Variants in ARFGEF3 observed in about 807,000 individuals in gnomAD.
ARFGEF3 encodes the protein ARFGEF family member 3.
ARFGEF3 carries 96 observed loss-of-function variants against 221.7 expected under a neutral mutation model. That is an observed-to-expected ratio of 0.43 (90% confidence interval 0.37 to 0.51). The LOEUF is 0.51. Among genes scored for constraint, ARFGEF3 ranks in the 20% least tolerant of loss-of-function variants. ARFGEF3 has a pLI of 0.00. For synonymous variants in ARFGEF3, 1,145 were observed against 1,126.8 expected, an observed-to-expected ratio of 1.02 and a Z score of -0.32; for missense variants, 2,410 against 2,789.9, an observed-to-expected ratio of 0.86 and a Z score of 3.07.
At chr6:138,310,494 C>G (rs544281650) in intron 24 of ARFGEF3, among the ~76,000 whole-genome samples, 22 of 152,322 alleles carry the variant, frequency 1.4e-4, no homozygotes, top group Non-Finnish European at 2.9e-4. Context: ...AGTATTTACT[C>G]TCTGGCCCTT....
rs1258556039 is a variant in ARFGEF3, at chr6:138,162,353, G to T, written c.85+182G>T. Among the ~76,000 whole-genome samples the T allele has an allele frequency of 6.6e-6, 1 of 152,184 alleles. No individual in the cohort carries two copies. The highest frequency in any genetic ancestry group is 1.5e-5 in the Non-Finnish European group (1 of 68,022). On this transcript the variant is annotated intron_variant, in intron 1 of 33. Transcript: ENST00000251691. The surrounding 1 kb of genome is among the most constrained non-coding windows in gnomAD (Gnocchi z 4.7). ...CTTGGCTCGGGCGTGGACATCAGCC[G>T]CCTCCCCTCCGGTCTCTTTCACTCT...
At chr6:138,289,396 A>G (rs767931446) in intron 17 of ARFGEF3, among the ~76,000 whole-genome samples, 11 of 152,264 alleles carry the variant, frequency 7.2e-5, no homozygotes, top group Non-Finnish European at 1.5e-4. Flanking sequence ...GATCATAATG[A>G]GAGCCTAACA....
intron 12 of ARFGEF3, among the ~76,000 whole-genome samples, 159 bp downstream of exon 12, chr6:138,263,770 AT>A (rs1430237051): frequency 6.6e-6 from 1 of 152,236 alleles, no homozygotes; most frequent in African/African-American, 2.4e-5. Flanking sequence ...TCTAAGACCT[AT>A]TAGTGGTGGT....
intron 4 of ARFGEF3, among the ~76,000 whole-genome samples, chr6:138,213,956 G>A (rs1777784769): frequency 1.3e-5 from 2 of 152,126 alleles, no homozygotes; most frequent in South Asian, 2.1e-4. Flanking sequence ...ATAATCATTT[G>A]CTATTTCTGA....
rs141551435 is a variant in ARFGEF3 at position 138,233,501 on chromosome 6, C to T, written c.420+3649C>T. 7.8e-3 allele frequency among the ~76,000 whole-genome samples: 1,190 copies of T among 152,094 alleles called. 11 individuals are homozygous for T. The highest frequency in any genetic ancestry group is 0.026 in the African/African-American group (1,083 of 41,488). On this transcript the variant is annotated intron_variant, in intron 5 of 33. Transcript: ENST00000251691. ...AAGCGATTCTCCTGCCTCAGCCTCC[C>T]GAGTAGCTGGGATTACAGGCGCATG...
rs746800137 is a variant in ARFGEF3, at chr6:138,311,557, G to A, written c.4200+47G>A. The stretch of plus-strand genomic sequence containing the variant: ...GCTCCCGGCCTGGAAACCTGCCTCG[G>A]AACATGCTGCCAAAACATGCGTGGG... On this transcript the variant is annotated intron_variant, in intron 25 of 33. Coordinates refer to ENST00000251691, the MANE Select transcript of ARFGEF3 (RefSeq NM_020340.5). 29 of 1,349,874 alleles carry A rather than the reference G, an allele frequency of 2.1e-5. 3 individuals are homozygous for A. The South Asian group carries it at 3.6e-4, about 17-fold the overall frequency. The allele number at this position is 1,349,874 out of a possible 1,614,324, so 83.6% of individuals were successfully genotyped here.
intron 23 of ARFGEF3, 24 bp from the exon 24 acceptor site, chr6:138,308,715 A>C (rs765176654): frequency 2.5e-6 from 4 of 1,613,346 alleles, no homozygotes; most frequent in Non-Finnish European, 3.4e-6. Flanking sequence ...ACTTTCTTAC[A>C]ATTCTATAAT....
rs1482298280 is a variant in ARFGEF3 at position 138,337,761 on chromosome 6, GCTTTAT to G, written c.*1279_*1284del. ...GTATTACTAGAAAATACGTTTGAAA[GCTTTAT>G]CTTATTATTTACAGTATTTTTATAT... On this transcript the variant is annotated 3_prime_UTR_variant, in exon 34 of 34. Coordinates refer to ENST00000251691, the MANE Select transcript of ARFGEF3 (RefSeq NM_020340.5). The G allele has an allele frequency of 1.3e-5, 2 of 152,090 alleles. No individual in the cohort carries two copies. Among genetic ancestry groups the G allele is most frequent in the African/African-American group, 4.8e-5 (2 of 41,410 alleles). 9.4% of individuals were successfully genotyped at this position (152,090 alleles called of 1,614,324 possible).
chr6:138,280,104 G>A lies in ARFGEF3; in HGVS notation c.2401G>A (p.Glu801Lys), dbSNP rs1285134553. Residue 801 changes from glutamate to lysine, a missense_variant, in exon 14 of 34, where the codon GAG (glutamate) becomes AAG (lysine). Transcript: ENST00000251691. ...HQVLDRNMLG[E>K]AGYWGSPEDN... ...GGTGCTCGACAGGAACATGCTTGGAGAGGCTGGCTATTGGGGCAGCCCAGA... is the reference window on the plus strand; with the variant it reads ...GGTGCTCGACAGGAACATGCTTGGAAAGGCTGGCTATTGGGGCAGCCCAGA... 1 of 1,613,922 alleles carries A rather than the reference G, an allele frequency of 6.2e-7. No homozygotes were observed. Among genetic ancestry groups the A allele is most frequent in the South Asian group, 1.1e-5 (1 of 91,082 alleles).
At chr6:138,166,721 G>A (rs149837599) in intron 1 of ARFGEF3, among the ~76,000 whole-genome samples, 4 of 152,294 alleles carry the variant, frequency 2.6e-5, no homozygotes, top group Middle Eastern at 6.8e-3. Context: ...AGAGCTGGAA[G>A]CAACCAAGCC....
intron 2 of ARFGEF3, among the ~76,000 whole-genome samples, chr6:138,191,934 T>C (rs543263318): frequency 2.4e-4 from 36 of 152,288 alleles, no homozygotes; most frequent in African/African-American, 8.2e-4. Flanking sequence ...ACAATGAAGT[T>C]ATCATAAGGC....
At chr6:138,246,655 C>G (rs1321882412) in intron 8 of ARFGEF3, among the ~76,000 whole-genome samples, 1 of 152,038 alleles carries the variant, frequency 6.6e-6, no homozygotes, top group East Asian at 1.9e-4. Flanking sequence ...CACTTCAAGG[C>G]ACAAATAGAA....
intron 15 of ARFGEF3, 84 bp downstream of exon 15, chr6:138,286,137 C>A: frequency 1.1e-6 from 1 of 894,678 alleles, no homozygotes; most frequent in Non-Finnish European, 1.8e-6. Flanking sequence ...TGACTTGAAT[C>A]AGGATTTTGT....
rs770409044 is a variant in ARFGEF3, at chr6:138,336,527, G to C, written c.*41G>C. On this transcript the variant is annotated 3_prime_UTR_variant, in exon 34 of 34. Coordinates refer to ENST00000251691, the MANE Select transcript of ARFGEF3 (RefSeq NM_020340.5). Reference sequence around the variant, plus strand: ...CTCTCCCACCAAATAACAGTAGTGAGGGTTAGAGTCCTGCCAATACAGCTG... The same window carrying C: ...CTCTCCCACCAAATAACAGTAGTGACGGTTAGAGTCCTGCCAATACAGCTG... 4.0e-6 allele frequency: 6 copies of C among 1,517,086 alleles called. No individual in the cohort carries two copies. The highest frequency in any genetic ancestry group is 2.8e-5 in the African/African-American group (2 of 72,626). The allele number at this position is 1,517,086 out of a possible 1,614,324, so 94.0% of individuals were successfully genotyped here.
chr6:138,282,575 G>A (rs1779215035), intron 14 of ARFGEF3, among the ~76,000 whole-genome samples: 1 of 152,226 alleles, frequency 6.6e-6, no homozygotes, highest in Non-Finnish European at 1.5e-5. Flanking sequence ...AGAACATACA[G>A]TGAGGTCTGT....
At chr6:138,311,700 A>G (rs999320953) in intron 25 of ARFGEF3, among the ~76,000 whole-genome samples, 190 bp downstream of exon 25, 30 of 152,202 alleles carry the variant, frequency 2.0e-4, no homozygotes, top group Admixed American at 7.2e-4. Flanking sequence ...TAATGAAAAC[A>G]TACTAGAACC....
chr6:138,270,281 G>A (rs1453932288), intron 12 of ARFGEF3, among the ~76,000 whole-genome samples: 1 of 152,146 alleles, frequency 6.6e-6, no homozygotes, highest in African/African-American at 2.4e-5. Context: ...ACCAACTATG[G>A]ATTCAGAGTT....
At position 138,284,631 on chromosome 6, in the gene ARFGEF3, G is replaced by C. The variant is rs114313738; in HGVS notation, c.2462-1315G>C. Among the ~76,000 whole-genome samples the C allele has an allele frequency of 1.8e-3, 277 of 152,310 alleles. 3 individuals are homozygous for C. Among genetic ancestry groups the C allele is most frequent in the African/African-American group, 6.5e-3 (268 of 41,550 alleles). On this transcript the variant is annotated intron_variant, in intron 14 of 33. Coordinates refer to ENST00000251691, the MANE Select transcript of ARFGEF3 (RefSeq NM_020340.5). ...ATTTGTTTCAACAAAAACTTAAACA[G>C]GATAACTGAGGATCCAGTATAGAGC...
Position 138,263,166 on chromosome 6 carries a change from T to C in ARFGEF3, c.1683T>C (p.Asp561=), listed in dbSNP as rs1562372063. The C allele has an allele frequency of 6.2e-7, 1 of 1,613,982 alleles. No individual in the cohort carries two copies. ...AAACAGAGGCGGTAGACCAGCCAGA[T>C]GTCGTGCAGAGAAGCCACACGGTCC... is the stretch of plus-strand genomic sequence containing the variant. ...VLETEAVDQP[D]VVQRSHTVPY... The change falls in exon 12 of 34, where the codon GAT becomes GAC. Residue 561 remains aspartate (D), a synonymous_variant. Transcript: ENST00000251691.
Sources: gnomAD v4.1 joint callset for allele counts (sites outside exome capture counted in the v4.1 genomes callset) on GRCh38, gnomAD v4.1.1 for gene constraint, Gnocchi (gnomAD v3.1) non-coding constraint, MANE v1.5 for transcripts, NCBI Gene and HGNC (gene_info 2026-07-23, HGNC 2026-07-21) for gene names.